The following NUP35 variants were observed in gnomAD, a reference collection of about 807,000 sequenced individuals.
NUP35 encodes the protein nucleoporin 35.
NUP35 carries 25 observed loss-of-function variants against 41.5 expected under a neutral mutation model. That is an observed-to-expected ratio of 0.60 (90% confidence interval 0.44 to 0.84). The LOEUF is 0.84. NUP35 is among the 40% of genes least tolerant of loss of function. The pLI, the probability that NUP35 is intolerant of heterozygous loss-of-function variation, is 0.00. For missense variants in NUP35, 396 were observed against 396.6 expected (o/e 1.00, Z 0.01); for synonymous variants, 149 against 130.7 (o/e 1.14, Z -0.96).
chr2:183,128,168 ATATCTAAAAGT>A, intron 1 of NUP35, 108 bp from the exon 2 acceptor site: 1 of 577,312 alleles, frequency 1.7e-6, no homozygotes, highest in Non-Finnish European at 2.8e-6. Flanking sequence ...TGGTTCTATT[ATATCTAAAAGT>A]TTTGATTAAA....
chr2:183,129,534 A>G (rs185705812), intron 2 of NUP35, among the ~76,000 whole-genome samples: 32 of 152,362 alleles, frequency 2.1e-4, no homozygotes, highest in Non-Finnish European at 4.3e-4. Flanking sequence ...AACATTAAAC[A>G]TTAAATTTCA....
upstream of NUP35, chr2:183,124,392 GA>G (rs1170175416): frequency 1.9e-6 from 3 of 1,613,744 alleles, no homozygotes; most frequent in East Asian, 6.7e-5. Context: ...TACCCGTGGG[GA>G]GCGTTTCCGC....
At position 183,128,321 on chromosome 2, in the gene NUP35, TCCAAAG is replaced by T. The variant is rs747987011; in HGVS notation, c.79_84del (p.Lys27_Pro28del). 3.1e-6 allele frequency: 5 copies of T among 1,613,448 alleles called. No homozygotes were observed. In the Admixed American group the frequency reaches 8.3e-5, roughly 27 times the overall value. On this transcript the variant is annotated inframe_deletion, in exon 2 of 9. Transcript: ENST00000295119. ...CAATGATGCTGGGTTCACCCACATC[TCCAAAG>T]CCAGGAGTTAATGCCCAGTTCTTAC...
At chr2:183,133,319 T>C (rs1684759578) in intron 3 of NUP35, among the ~76,000 whole-genome samples, 1 of 121,424 alleles carries the variant, frequency 8.2e-6, no homozygotes, top group Non-Finnish European at 1.7e-5. Flanking sequence ...TTACAGAAGA[T>C]AGTCTTTTTT....
At chr2:183,132,704 C>A (rs191619404) in intron 3 of NUP35, among the ~76,000 whole-genome samples, 1 of 152,258 alleles carries the variant, frequency 6.6e-6, no homozygotes, top group Non-Finnish European at 1.5e-5. Context: ...TTGAAAGACT[C>A]GTGGGTCATA....
chr2:183,124,266 T>C, upstream of NUP35: 1 of 1,374,416 alleles, frequency 7.3e-7, no homozygotes, highest in African/African-American at 1.5e-5. Flanking sequence ...CAAAAACCCT[T>C]TCCTCGGAAA....
intron 4 of NUP35, among the ~76,000 whole-genome samples, chr2:183,147,437 A>G (rs780093749): frequency 5.3e-5 from 8 of 152,142 alleles, no homozygotes; most frequent in Non-Finnish European, 8.8e-5. Flanking sequence ...TCTATTGAGT[A>G]AGGCATCCTT....
chr2:183,150,108 T>C (rs1053061097), intron 4 of NUP35, among the ~76,000 whole-genome samples: 1 of 152,112 alleles, frequency 6.6e-6, no homozygotes, highest in African/African-American at 2.4e-5. Context: ...GGTTTCACCA[T>C]GTTGGCCAAG....
At chr2:183,156,367 G>A (rs375021469) in intron 5 of NUP35, among the ~76,000 whole-genome samples, 45 of 152,000 alleles carry the variant, frequency 3.0e-4, no homozygotes, top group African/African-American at 1.0e-3. Flanking sequence ...TTGAGATGAG[G>A]TCTTACTCTG....
chr2:183,160,896 C>CA (rs1239687198), intron 8 of NUP35, 158 bp from the exon 9 acceptor site: 2 of 518,556 alleles, frequency 3.9e-6, no homozygotes, highest in African/African-American at 1.9e-5. Flanking sequence ...TCCTGGCTAA[C>CA]ACGGTGAAAC....
chr2:183,120,556 A>T (rs908983106), upstream of NUP35, among the ~76,000 whole-genome samples: 5 of 152,166 alleles, frequency 3.3e-5, no homozygotes, highest in Admixed American at 1.3e-4. Context: ...GGAATTGAAG[A>T]GGCAGAAAGA....
upstream of NUP35, among the ~76,000 whole-genome samples, chr2:183,121,393 G>A (rs1262968818): frequency 1.3e-5 from 2 of 152,152 alleles, no homozygotes; most frequent in African/African-American, 4.8e-5. Context: ...GTAGGTAGGT[G>A]GAGGAGCAAG....
upstream of NUP35, among the ~76,000 whole-genome samples, chr2:183,120,679 CAA>C (rs1423914348): frequency 1.3e-5 from 2 of 152,036 alleles, no homozygotes; most frequent in African/African-American, 4.8e-5. Flanking sequence ...ATTTTACAAA[CAA>C]TATAATCTAG....
intron 5 of NUP35, among the ~76,000 whole-genome samples, chr2:183,153,965 C>T (rs1374777992): frequency 6.6e-6 from 1 of 152,224 alleles, no homozygotes; most frequent in African/African-American, 2.4e-5. Context: ...GTTCCCAAAC[C>T]TCAATTCTTG....
intron 5 of NUP35, among the ~76,000 whole-genome samples, chr2:183,153,613 G>T (rs1685543991): frequency 1.3e-5 from 2 of 152,210 alleles, no homozygotes; most frequent in Non-Finnish European, 2.9e-5. Flanking sequence ...GCTGATGCAA[G>T]AGGTGGGTTC....
upstream of NUP35, among the ~76,000 whole-genome samples, chr2:183,121,277 T>C (rs1700063529): frequency 6.6e-6 from 1 of 152,030 alleles, no homozygotes; most frequent in Middle Eastern, 3.2e-3. Flanking sequence ...CTGCAATTAA[T>C]TAAAAATCAA....
chr2:183,159,574 A>G lies in NUP35; in HGVS notation c.825A>G (p.Thr275=), dbSNP rs774449802. 1.2e-6 allele frequency: 2 copies of G among 1,613,438 alleles called. No homozygotes were observed. ...CAATCAAAACTCTAGGTACACCAAC[A>G]CAACCTGGAAGTACTCCTAGGATTT... ...TPPIKTLGTP[T]QPGSTPRIST... is the part of the protein sequence containing the mutation. Residue 275 remains threonine (T), a synonymous_variant, in exon 8 of 9, where the codon ACA becomes ACG. Transcript: ENST00000295119.
At chr2:183,130,341 A>G in intron 2 of NUP35, 77 bp from the exon 3 acceptor site, 3 of 1,408,566 alleles carry the variant, frequency 2.1e-6, no homozygotes, top group East Asian at 2.5e-5. Flanking sequence ...TTAAGTCAGT[A>G]TTTCAAAAAT....
In NUP35 at chr2:183,133,638, CTTTTTTTTT is replaced by C; in HGVS notation, c.397+24_397+32del. 1 of 1,343,246 alleles carries C rather than the reference CTTTTTTTTT, an allele frequency of 7.4e-7. No homozygotes were observed. The highest frequency in any genetic ancestry group is 2.7e-5 in the East Asian group (1 of 37,460). 83.2% of individuals were successfully genotyped at this position (1,343,246 alleles called of 1,614,324 possible). On this transcript the variant is annotated intron_variant, in intron 4 of 8. Coordinates refer to ENST00000295119, the MANE Select transcript of NUP35 (RefSeq NM_138285.5). ...TCCTGGAACAGGTAAGTGATTCTTT[CTTTTTTTTT>C]TTTTTTTTAAAAGACAGGGTCTGGC...
Sources: allele counts gnomAD v4.1 joint callset (sites outside exome capture counted in the v4.1 genomes callset), GRCh38; gene constraint gnomAD v4.1.1; transcripts MANE v1.5; gene names NCBI Gene and HGNC (gene_info 2026-07-23, HGNC 2026-07-21).